Variants in DPY19L4 observed in about 807,000 individuals in gnomAD.
DPY19L4 encodes the protein dpy-19 like 4, also known as probable C-mannosyltransferase DPY19L4.
A neutral mutation model predicts 102.8 loss-of-function variants in DPY19L4; 97 were observed. That is an observed-to-expected ratio of 0.94 (90% CI 0.80 to 1.12). DPY19L4 has a LOEUF of 1.12. DPY19L4 is among the 50% of genes most tolerant of loss of function. DPY19L4 has a pLI of 0.00. For synonymous variants in DPY19L4, 252 were observed against 283.1 expected (o/e 0.89, Z 1.10); for missense variants, 815 against 850.4 (o/e 0.96, Z 0.52).
intron 1 of DPY19L4, 72 bp downstream of exon 1, chr8:94,720,086 G>T (rs2130770062): frequency 6.7e-7 from 1 of 1,498,748 alleles, no homozygotes; most frequent in African/African-American, 1.5e-5. Flanking sequence ...GGCGCTGGAG[G>T]TCTGGGTTGG....
intron 7 of DPY19L4, among the ~76,000 whole-genome samples, chr8:94,759,750 G>A (rs943848247): frequency 9.9e-5 from 15 of 151,944 alleles, no homozygotes; most frequent in South Asian, 2.1e-4. Flanking sequence ...TGATCCGCCC[G>A]CTTCAGCCTC....
intron 5 of DPY19L4, 43 bp downstream of exon 5, chr8:94,739,577 A>T: frequency 6.2e-7 from 1 of 1,601,238 alleles, no homozygotes; most frequent in Non-Finnish European, 8.5e-7. Context: ...TTTCTCATGT[A>T]TTCATGAATC....
At chr8:94,739,291 A>T (rs1811329289) in intron 4 of DPY19L4, 122 bp from the exon 5 acceptor site, 2 of 1,204,526 alleles carry the variant, frequency 1.7e-6, no homozygotes. Flanking sequence ...TGGAAAATGC[A>T]GCATGGAGTA....
Position 94,774,099 on chromosome 8 carries a change from G to A in DPY19L4, c.1454+3528G>A, listed in dbSNP as rs190061812. ...CGTTCTGTCGCCCAGACTGGAGTGC[G>A]GTGGTGCCATCACAGCTCACTGTGC... On this transcript the variant is annotated intron_variant, in intron 13 of 18. Coordinates refer to ENST00000414645, the MANE Select transcript of DPY19L4 (RefSeq NM_181787.3). Among the ~76,000 whole-genome samples the A allele has an allele frequency of 1.9e-4, 28 of 150,690 alleles. 1 individual carries two copies. The highest frequency in any genetic ancestry group is 5.8e-4 in the African/African-American group (24 of 41,098).
chr8:94,745,043 A>C (rs1811609833), intron 6 of DPY19L4: 1 of 158,836 alleles, frequency 6.3e-6, no homozygotes, highest in Non-Finnish European at 1.4e-5. Flanking sequence ...GACTTCTTAG[A>C]AAAGTATAAA....
chr8:94,764,718 T>TATATATATATA (rs1491418916), intron 8 of DPY19L4, among the ~76,000 whole-genome samples: 2 of 50,588 alleles, frequency 4.0e-5, no homozygotes, highest in African/African-American at 1.2e-4. Flanking sequence ...TATATATATA[T>TATATATATATA]TTTTTTTTTT....
chr8:94,745,091 G>A (rs185613039), intron 6 of DPY19L4: 5 of 156,286 alleles, frequency 3.2e-5, no homozygotes, highest in East Asian at 1.9e-4. Flanking sequence ...ATGATTATTC[G>A]TGTTCTTAAT....
At position 94,788,019 on chromosome 8, in the gene DPY19L4, G is replaced by T; in HGVS notation, c.1974G>T (p.Arg658Ser). 6.7e-7 allele frequency: 1 copy of T among 1,489,152 alleles called. No individual in the cohort carries two copies. Among genetic ancestry groups the T allele is most frequent in the Non-Finnish European group, 8.9e-7 (1 of 1,120,408 alleles). 92.2% of individuals were successfully genotyped at this position (1,489,152 alleles called of 1,614,324 possible). The part of the protein sequence containing the change: ...CNEVGPMRGC[R>S]VKDLLDIANG... ...AGGTGGGACCCATGAGAGGCTGTAG[G>T]GTTAAAGATTTATTAGACATTGCAA... Residue 658 changes from arginine to serine, a missense_variant, in exon 18 of 19, where the codon AGG (arginine) becomes AGT (serine). Arg to Ser is a moderately radical substitution (Grantham distance 110). Transcript: ENST00000414645.
rs1586355362 is a variant in DPY19L4 at position 94,750,828 on chromosome 8, G to GTGGGA, written c.612-5208_612-5207insTGGGA. Among the ~76,000 whole-genome samples, 9 of 151,098 alleles carry GTGGGA rather than the reference G, an allele frequency of 6.0e-5. No homozygotes were observed. The East Asian group carries it at 1.6e-3, about 26-fold the overall frequency. ...GACAGGATCTCACTCTGTCACCCAG[G>GTGGGA]CTGGAGTGCAGTGGCGCAATCTCGG... is the stretch of plus-strand genomic sequence containing the variant. On this transcript the variant is annotated intron_variant, in intron 6 of 18. Coordinates refer to ENST00000414645, the MANE Select transcript of DPY19L4 (RefSeq NM_181787.3).
intron 17 of DPY19L4, among the ~76,000 whole-genome samples, chr8:94,786,706 C>T (rs1813670125): frequency 6.6e-6 from 1 of 151,956 alleles, no homozygotes; most frequent in Non-Finnish European, 1.5e-5. Flanking sequence ...TGCCACCGCA[C>T]CCAGCTAATT....
chr8:94,733,118 CTT>C (rs34879619), intron 2 of DPY19L4, among the ~76,000 whole-genome samples: 261 of 76,348 alleles, frequency 3.4e-3, no homozygotes, highest in Middle Eastern at 0.013. Flanking sequence ...TCATCTTAAC[CTT>C]TTTTTTTTTT....
At chr8:94,722,155 C>A (rs957857258) in intron 1 of DPY19L4, among the ~76,000 whole-genome samples, 2 of 149,140 alleles carry the variant, frequency 1.3e-5, no homozygotes, top group Non-Finnish European at 3.0e-5. Flanking sequence ...CGCCTGTAAT[C>A]CTAACACTTT....
At chr8:94,788,203 A>C in intron 18 of DPY19L4, 151 bp downstream of exon 18, 1 of 368,306 alleles carries the variant, frequency 2.7e-6, no homozygotes, top group Non-Finnish European at 4.2e-6. Context: ...GCTTCTTAAA[A>C]GTAGTTTGGA....
chr8:94,778,203 A>T (rs4448241), intron 14 of DPY19L4, among the ~76,000 whole-genome samples: 2 of 151,870 alleles, frequency 1.3e-5, no homozygotes, highest in South Asian at 4.2e-4. Context: ...CCACTGCACT[A>T]CAGCCTGGGC....
chr8:94,777,823 T>C (rs779580293), intron 14 of DPY19L4, 37 bp downstream of exon 14: 5 of 1,576,500 alleles, frequency 3.2e-6, no homozygotes, highest in Non-Finnish European at 3.5e-6. Context: ...CTTCTAATTA[T>C]ATAAAATCAA....
Position 94,777,675 on chromosome 8 carries a change from C to T in DPY19L4, c.1464C>T (p.Tyr488=), listed in dbSNP as rs771604712. Residue 488 remains tyrosine (Y), a synonymous_variant, in exon 14 of 19, where the codon TAC becomes TAT. Transcript: ENST00000414645. ...CATTTGTGTTTTCTAGCTTGAAGTACATCTGGATTCCTTATGTGTGCATGT... is the reference window on the plus strand; with the variant it reads ...CATTTGTGTTTTCTAGCTTGAAGTATATCTGGATTCCTTATGTGTGCATGT... ...SLAMVIEGLK[Y]IWIPYVCMLA... is the part of the protein sequence containing the mutation. The T allele has an allele frequency of 1.2e-6, 2 of 1,612,698 alleles. No homozygotes were observed. The highest frequency in any genetic ancestry group is 1.1e-5 in the South Asian group (1 of 90,604).
At chr8:94,779,166 G>A (rs1431152325) in intron 14 of DPY19L4, among the ~76,000 whole-genome samples, 1 of 150,392 alleles carries the variant, frequency 6.6e-6, no homozygotes, top group Admixed American at 6.6e-5. Flanking sequence ...GTCAGGTACT[G>A]TTTGAAGCAT....
At chr8:94,756,282 T>C in intron 7 of DPY19L4, 123 bp downstream of exon 7, 1 of 1,319,880 alleles carries the variant, frequency 7.6e-7, no homozygotes, top group East Asian at 2.5e-5. Context: ...GCCTGGTTAC[T>C]ACATAATAAA....
At chr8:94,721,527 A>G (rs1236749215) in intron 1 of DPY19L4, among the ~76,000 whole-genome samples, 1 of 152,234 alleles carries the variant, frequency 6.6e-6, no homozygotes, top group Non-Finnish European at 1.5e-5. Context: ...CTGTGGTTAC[A>G]GTATATCATC....
Sources: gnomAD v4.1 joint callset for allele counts (sites outside exome capture counted in the v4.1 genomes callset) on GRCh38, gnomAD v4.1.1 for gene constraint, MANE v1.5 for transcripts, NCBI Gene and HGNC (gene_info 2026-07-23, HGNC 2026-07-21) for gene names.